Variants in PRRG1 observed in about 807,000 individuals in gnomAD.
PRRG1 encodes the protein proline rich and Gla domain 1, also known as transmembrane gamma-carboxyglutamic acid protein 1.
PRRG1 carries 5 observed loss-of-function variants against 11.8 expected under a neutral mutation model. That is an observed-to-expected ratio of 0.42 (90% CI 0.22 to 0.89). The LOEUF (loss-of-function observed/expected upper bound fraction) is 0.89. Ranked by LOEUF, PRRG1 falls within the 40% of genes least tolerant of loss-of-function variation. The pLI, the probability that PRRG1 is intolerant of heterozygous loss-of-function variation, is 0.28. For missense variants in PRRG1, 155 were observed against 166.1 expected (o/e 0.93, Z 0.37); for synonymous variants, 66 against 60.4 (o/e 1.09, Z -0.43).
At chrX:37,383,078 A>G (rs1471014033) in intron 1 of PRRG1, among the ~76,000 whole-genome samples, 2 of 111,801 alleles carry the variant, frequency 1.8e-5, no homozygotes, top group African/African-American at 6.5e-5. Flanking sequence ...TAAGAACATC[A>G]CCTTCTCCCA....
At chrX:37,396,489 G>T (rs1931718501) in intron 1 of PRRG1, among the ~76,000 whole-genome samples, 1 of 111,292 alleles carries the variant, frequency 9.0e-6, no homozygotes, top group African/African-American at 3.3e-5. Context: ...AGATCTGATG[G>T]TTCTGTAAGG....
chrX:37,440,770 ATTG>A, intron 3 of PRRG1: 1 of 508,479 alleles, frequency 2.0e-6, no homozygotes, highest in Non-Finnish European at 3.5e-6. Context: ...TTATTTTATT[ATTG>A]TTTTAAAATT....
chrX:37,414,611 A>T (rs781855847), intron 2 of PRRG1, among the ~76,000 whole-genome samples: 19 of 112,984 alleles, frequency 1.7e-4, no homozygotes, highest in South Asian at 3.7e-4. Flanking sequence ...TCTCCTTCAG[A>T]CAGAACAACT....
At chrX:37,397,247 G>A (rs979507448) in intron 1 of PRRG1, among the ~76,000 whole-genome samples, 4 of 112,340 alleles carry the variant, frequency 3.6e-5, no homozygotes, top group African/African-American at 1.3e-4. Flanking sequence ...TGCTAAAGTC[G>A]ATACTGAAGT....
At chrX:37,451,567 C>A (rs183001895) in intron 3 of PRRG1, among the ~76,000 whole-genome samples, 24 of 111,919 alleles carry the variant, frequency 2.1e-4, no homozygotes, top group African/African-American at 7.8e-4. Flanking sequence ...CTAGACTCTA[C>A]TTTTTCTTCT....
intron 3 of PRRG1, among the ~76,000 whole-genome samples, chrX:37,436,565 C>T (rs371451134): frequency 8.9e-6 from 1 of 112,006 alleles, no homozygotes; most frequent in South Asian, 3.7e-4. Context: ...AAAAATTGAT[C>T]ACTAGGTCCT....
chrX:37,386,607 C>T (rs1438249420), intron 1 of PRRG1: 2 of 111,736 alleles, frequency 1.8e-5, no homozygotes, highest in Non-Finnish European at 3.8e-5. Context: ...AGGATGCTCA[C>T]CCCATTTAGA....
Position 37,453,241 on chromosome X carries a change from A to T in PRRG1, c.277A>T (p.Ile93Phe). 2.5e-6 allele frequency: 3 copies of T among 1,210,863 alleles called. No individual in the cohort carries two copies. Among genetic ancestry groups the T allele is most frequent in the Non-Finnish European group, 3.4e-6 (3 of 894,948 alleles). ...CTTTCCGTTAATCTTTGGCCTCTTC[A>T]TTATCCTCCTTGTCATTTTCCTAAT... ...LTFPLIFGLF[I>F]ILLVIFLIWR... The change falls in exon 4 of 4, where the codon ATT (isoleucine) becomes TTT (phenylalanine). Residue 93 changes from isoleucine to phenylalanine, a missense_variant. Coordinates refer to ENST00000378628, the MANE Select transcript of PRRG1 (RefSeq NM_001142395.2).
intron 3 of PRRG1, among the ~76,000 whole-genome samples, chrX:37,434,096 C>T (rs1173201491): frequency 1.8e-5 from 2 of 111,115 alleles, no homozygotes; most frequent in Non-Finnish European, 3.8e-5. Flanking sequence ...ACTATCTTTA[C>T]TATCTTTTTG....
intron 2 of PRRG1, among the ~76,000 whole-genome samples, chrX:37,417,681 C>A (rs1208969170): frequency 9.0e-6 from 1 of 110,914 alleles, no homozygotes; most frequent in Non-Finnish European, 1.9e-5. Context: ...TTGTTTCCAT[C>A]AGTCTGTGAT....
chrX:37,434,445 T>C (rs1556391425), intron 3 of PRRG1, among the ~76,000 whole-genome samples: 2 of 112,076 alleles, frequency 1.8e-5, no homozygotes, highest in African/African-American at 3.2e-5. Context: ...AAGGCTTATA[T>C]GAGCATGCTG....
At chrX:37,413,062 C>T (rs1556384277) in intron 2 of PRRG1, among the ~76,000 whole-genome samples, 2 of 111,250 alleles carry the variant, frequency 1.8e-5, no homozygotes, top group Non-Finnish European at 3.8e-5. Flanking sequence ...TCCCATTAAG[C>T]AGTCACTTAA....
chrX:37,449,907 T>C (rs1350992197), intron 3 of PRRG1, among the ~76,000 whole-genome samples: 1 of 112,552 alleles, frequency 8.9e-6, no homozygotes, highest in Non-Finnish European at 1.9e-5. Context: ...ATAAATAGCT[T>C]ACAGAAACAT....
intron 3 of PRRG1, among the ~76,000 whole-genome samples, chrX:37,448,137 C>T (rs1602041794): frequency 8.9e-6 from 1 of 112,042 alleles, no homozygotes; most frequent in East Asian, 2.8e-4. Flanking sequence ...ACAAAACACA[C>T]AAACAAAGCA....
Position 37,437,141 on chromosome X carries a change from G to A in PRRG1, c.171+11141G>A, listed in dbSNP as rs146671077. On this transcript the variant is annotated intron_variant, in intron 3 of 3. Coordinates refer to ENST00000378628, the MANE Select transcript of PRRG1 (RefSeq NM_001142395.2). ...TTTTATTGATTATATCATTGATATT[G>A]TTTTTAAGTTAGTGGTGAACTTTAG... Among the ~76,000 whole-genome samples, 687 of 112,158 alleles carry A rather than the reference G, an allele frequency of 6.1e-3. 3 individuals carry two copies. The highest frequency in any genetic ancestry group is 9.4e-3 in the Non-Finnish European group (500 of 53,192).
chrX:37,401,142 G>A (rs1273109402), intron 1 of PRRG1, among the ~76,000 whole-genome samples: 13 of 110,777 alleles, frequency 1.2e-4, no homozygotes, highest in Middle Eastern at 4.6e-3. Context: ...TATGAGGCCA[G>A]TATCATCCTG....
rs542194109 is a variant in PRRG1 at position 37,376,551 on chromosome X, GTATATATA to G, written c.-42+27170_-42+27177del. 2.8e-3 allele frequency among the ~76,000 whole-genome samples: 75 copies of G among 26,924 alleles called. 4 individuals carry two copies. The highest frequency in any genetic ancestry group is 7.6e-3 in the East Asian group (4 of 525). The allele number at this position is 26,924 out of a possible 115,157, so 23.4% of individuals were successfully genotyped here. A position where few individuals can be genotyped will look rare whatever the true frequency, so the allele number is the denominator to read the frequency against. On this transcript the variant is annotated intron_variant, in intron 1 of 3. Coordinates refer to ENST00000378628, the MANE Select transcript of PRRG1 (RefSeq NM_001142395.2). ...TCAGTGTTTAGTCAGAAATGTGAGT[GTATATATA>G]TATATATATATATGTGCTGAGGAGG...
chrX:37,453,763 T>C lies in PRRG1; in HGVS notation c.*142T>C. 1 of 673,652 alleles carries C rather than the reference T, an allele frequency of 1.5e-6. No homozygotes were observed. Among genetic ancestry groups the C allele is most frequent in the Non-Finnish European group, 2.1e-6 (1 of 486,190 alleles). The allele number at this position is 673,652 out of a possible 1,213,427, so 55.5% of individuals were successfully genotyped here. On this transcript the variant is annotated 3_prime_UTR_variant, in exon 4 of 4. Transcript: ENST00000378628. Reference sequence around the variant, plus strand: ...CACTTCACACTTGTTTTATTTTCTTTAGTTTTGTTTCTTGTTATAGAATCA... The same window carrying C: ...CACTTCACACTTGTTTTATTTTCTTCAGTTTTGTTTCTTGTTATAGAATCA...
chrX:37,432,308 G>A (rs929045846), intron 3 of PRRG1, among the ~76,000 whole-genome samples: 63 of 89,658 alleles, frequency 7.0e-4, no homozygotes, highest in African/African-American at 4.5e-3. Context: ...GGATGGTCTC[G>A]ATCTCCTGAC....
Sources: allele counts gnomAD v4.1 joint callset (sites outside exome capture counted in the v4.1 genomes callset), GRCh38; gene constraint gnomAD v4.1.1; transcripts MANE v1.5; gene names NCBI Gene and HGNC (gene_info 2026-07-23, HGNC 2026-07-21).